PPFIA2: variants seen among roughly 807,000 people sequenced by gnomAD.
PPFIA2 encodes liprin-alpha-2.
Under a neutral mutation model 175.5 loss-of-function variants are expected in PPFIA2, and 46 were observed. The observed-to-expected ratio is 0.26, with a 90% CI of 0.21 to 0.34. The LOEUF (loss-of-function observed/expected upper bound fraction) is 0.34. PPFIA2 is among the 10% of genes least tolerant of loss of function. The pLI, the probability that PPFIA2 is intolerant of heterozygous loss-of-function variation, is 1.00. For missense variants in PPFIA2, 1,179 were observed against 1,506.1 expected (o/e 0.78, Z 3.60); for synonymous variants, 568 against 511.4 (o/e 1.11, Z -1.49).
In PPFIA2 at chr12:81,670,223, G is replaced by A. The variant is rs539496919; in HGVS notation, c.303+6568C>T. On this transcript the variant is annotated intron_variant, in intron 4 of 32. Coordinates refer to ENST00000549396, the MANE Select transcript of PPFIA2 (RefSeq NM_003625.5). ...TCATATACACAAATCTGAAGTTCAA[G>A]GGAGTGATCTAACCTGGAAATATAA... Among the ~76,000 whole-genome samples the A allele has an allele frequency of 7.2e-4, 110 of 152,008 alleles. 5 individuals are homozygous for A. The South Asian group carries it at 0.022, about 30-fold the overall frequency.
At chr12:81,448,222 T>A (rs1268455850) in intron 5 of PPFIA2, among the ~76,000 whole-genome samples, 1 of 152,178 alleles carries the variant, frequency 6.6e-6, no homozygotes, top group Non-Finnish European at 1.5e-5. Flanking sequence ...AGTGGAACTT[T>A]TTAACTGCTT....
intron 15 of PPFIA2, 146 bp from the exon 16 acceptor site, chr12:81,358,363 T>G: frequency 1.3e-6 from 1 of 783,092 alleles, no homozygotes; most frequent in Non-Finnish European, 2.0e-6. Context: ...GTCATGACTC[T>G]CTGAGGCCTC....
chr12:81,518,596 C>A (rs934618900), intron 4 of PPFIA2, among the ~76,000 whole-genome samples: 2 of 152,144 alleles, frequency 1.3e-5, no homozygotes, highest in East Asian at 3.9e-4. Flanking sequence ...GATAGTACAA[C>A]CCATCATGGT....
At chr12:81,471,408 G>A (rs905045108) in intron 4 of PPFIA2, 1 of 149,888 alleles carries the variant, frequency 6.7e-6, no homozygotes, top group Non-Finnish European at 1.5e-5. Flanking sequence ...AAGGGATCCT[G>A]CTGCTTCAGC....
At chr12:81,260,486 T>C (rs1014235329) in intron 32 of PPFIA2, 7 of 152,294 alleles carry the variant, frequency 4.6e-5, no homozygotes, top group African/African-American at 1.7e-4. Flanking sequence ...GAATCTAATA[T>C]AAACAGTATT....
At chr12:81,565,688 T>G (rs1023330693) in intron 4 of PPFIA2, among the ~76,000 whole-genome samples, 4 of 152,138 alleles carry the variant, frequency 2.6e-5, no homozygotes, top group African/African-American at 4.8e-5. Flanking sequence ...CTAAACACAG[T>G]GTTAAACTCC....
chr12:81,598,095 T>A (rs1419901311), intron 4 of PPFIA2: 1 of 1,532,408 alleles, frequency 6.5e-7, no homozygotes. Context: ...GAGCTTAGCG[T>A]ACAGATAAAT....
intron 22 of PPFIA2, among the ~76,000 whole-genome samples, chr12:81,311,742 AAAAAAAAAAAG>A (rs1450584460): frequency 6.8e-6 from 1 of 147,340 alleles, no homozygotes; most frequent in Non-Finnish European, 1.5e-5. Context: ...CAAAAAAAAA[AAAAAAAAAAAG>A]AAAGAAAGAA....
At chr12:81,407,271 G>C (rs1375667996) in intron 7 of PPFIA2, among the ~76,000 whole-genome samples, 2 of 152,030 alleles carry the variant, frequency 1.3e-5, no homozygotes, top group Non-Finnish European at 2.9e-5. Context: ...GATCACTTGA[G>C]GTCAGGAGTT....
At chr12:81,259,686 GT>G (rs1048241989) in intron 32 of PPFIA2, 26 bp from the exon 33 acceptor site, 13 of 1,532,164 alleles carry the variant, frequency 8.5e-6, no homozygotes, top group Non-Finnish European at 1.1e-5. Context: ...GATAGCATTA[GT>G]TCACTGAAAA....
chr12:81,597,627 A>G (rs1220367100), intron 4 of PPFIA2, among the ~76,000 whole-genome samples: 2 of 152,134 alleles, frequency 1.3e-5, no homozygotes, highest in African/African-American at 4.8e-5. Context: ...GTAACTCTAC[A>G]ATGTTTACCA....
intron 22 of PPFIA2, chr12:81,312,049 C>A: frequency 2.1e-6 from 2 of 973,926 alleles, no homozygotes; most frequent in South Asian, 3.1e-5. Context: ...CATTTCAGGT[C>A]AGAGGCAGTG....
chr12:81,648,583 A>G (rs2153528672), intron 4 of PPFIA2, among the ~76,000 whole-genome samples: 1 of 152,178 alleles, frequency 6.6e-6, no homozygotes, highest in African/African-American at 2.4e-5. Context: ...TGATTTATAT[A>G]TCCTATGTAA....
Position 81,259,285 on chromosome 12 carries a change from T to C in PPFIA2, c.*409A>G. 2.8e-6 allele frequency: 1 copy of C among 361,564 alleles called. No individual in the cohort carries two copies. Among genetic ancestry groups the C allele is most frequent in the South Asian group, 2.4e-5 (1 of 42,078 alleles). 22.4% of individuals were successfully genotyped at this position (361,564 alleles called of 1,614,324 possible). A position where few individuals can be genotyped will look rare whatever the true frequency, so the allele number is the denominator to read the frequency against. On this transcript the variant is annotated 3_prime_UTR_variant, in exon 33 of 33. Coordinates refer to ENST00000549396, the MANE Select transcript of PPFIA2 (RefSeq NM_003625.5). ...TCGAGACTCCATGAACCATATATTT[T>C]ATTTTTTAAAAAATCATATTTATAT...
intron 4 of PPFIA2, among the ~76,000 whole-genome samples, chr12:81,532,241 C>G (rs562196971): frequency 6.6e-6 from 1 of 151,742 alleles, no homozygotes; most frequent in South Asian, 2.1e-4. Flanking sequence ...GATTATATAC[C>G]CTTGGGTTGT....
chr12:81,609,458 A>G (rs1209739647), intron 4 of PPFIA2, among the ~76,000 whole-genome samples: 1 of 152,130 alleles, frequency 6.6e-6, no homozygotes, highest in African/African-American at 2.4e-5. Context: ...GGGTGCTCCA[A>G]TGTTGGGTAT....
chr12:81,737,530 A>C (rs2081766759), intron 3 of PPFIA2, among the ~76,000 whole-genome samples: 1 of 152,070 alleles, frequency 6.6e-6, no homozygotes, highest in Non-Finnish European at 1.5e-5. Flanking sequence ...ACTGTCACAC[A>C]GTCAAAAATA....
rs567565868 is a variant in PPFIA2, at chr12:81,262,872, A to G, written c.3715+359T>C. Among the ~76,000 whole-genome samples the G allele has an allele frequency of 1.4e-3, 209 of 152,290 alleles. 1 individual carries two copies. The highest frequency in any genetic ancestry group is 4.6e-3 in the African/African-American group (191 of 41,572). On this transcript the variant is annotated intron_variant, in intron 31 of 32. Coordinates refer to ENST00000549396, the MANE Select transcript of PPFIA2 (RefSeq NM_003625.5). Reference sequence around the variant, plus strand: ...TAGGGAGACAGTGGAGTTAATTTCCATTTACTATGGATCTTTAGTCCAAGT... The same window carrying G: ...TAGGGAGACAGTGGAGTTAATTTCCGTTTACTATGGATCTTTAGTCCAAGT...
chr12:81,648,189 G>C (rs1002521862), intron 4 of PPFIA2, among the ~76,000 whole-genome samples: 2 of 151,350 alleles, frequency 1.3e-5, no homozygotes, highest in African/African-American at 4.8e-5. Context: ...TCAATAAAAA[G>C]CAAGAAAGAC....
Sources: gnomAD v4.1 joint callset for allele counts (sites outside exome capture counted in the v4.1 genomes callset) on GRCh38, gnomAD v4.1.1 for gene constraint, MANE v1.5 for transcripts, NCBI Gene and HGNC (gene_info 2026-07-23, HGNC 2026-07-21) for gene names.